The following PVT1 variants were observed in gnomAD, a reference collection of about 807,000 sequenced individuals.
PVT1 encodes Pvt1 oncogene, also known as CXCR4/PVT1 fusion.
At chr8:127,968,757 A>G (rs371790974) in intron 3 of PVT1, among the ~76,000 whole-genome samples, 6 of 152,262 alleles carry the variant, frequency 3.9e-5, no homozygotes, top group African/African-American at 1.4e-4. Flanking sequence ...GGGTATGGTG[A>G]GCTCTTAATC....
chr8:127,945,551 T>TG (rs1816410205), intron 3 of PVT1, among the ~76,000 whole-genome samples: 1 of 152,206 alleles, frequency 6.6e-6, no homozygotes, highest in South Asian at 2.1e-4. Context: ...AACTGCCCCA[T>TG]GCTGAAGGCC....
chr8:127,869,184 G>T (rs1004928740), intron 2 of PVT1, among the ~76,000 whole-genome samples: 1 of 151,888 alleles, frequency 6.6e-6, no homozygotes, highest in African/African-American at 2.4e-5. Context: ...AGGCTGAAGC[G>T]CAATGGCATG....
chr8:128,074,541 G>GA (rs1563681015), intron 5 of PVT1, among the ~76,000 whole-genome samples: 1 of 151,218 alleles, frequency 6.6e-6, no homozygotes, highest in East Asian at 1.9e-4. Flanking sequence ...AAAAAAGGGG[G>GA]GGGCTCCTTC....
At chr8:128,007,829 T>C (rs898462237) in intron 4 of PVT1, among the ~76,000 whole-genome samples, 2 of 152,252 alleles carry the variant, frequency 1.3e-5, no homozygotes, top group Admixed American at 1.3e-4. Context: ...TGCTGTGCAA[T>C]GTCTTGCCCA....
intron 5 of PVT1, among the ~76,000 whole-genome samples, chr8:128,080,749 T>A (rs1178644444): frequency 6.6e-6 from 1 of 152,338 alleles, no homozygotes; most frequent in East Asian, 1.9e-4. Context: ...TTTCATAGAT[T>A]GTGGCTTTGG....
In PVT1 at chr8:128,060,067, T is replaced by C. The variant is rs977686164; in HGVS notation, n.913-10093T>C. On this transcript the variant is annotated intron_variant and non_coding_transcript_variant, in intron 4 of 10. Transcript: ENST00000651587. Reference sequence around the variant, plus strand: ...GTCAGGAGATCGAGACCATCCTGGCTAACATGGTGAAACCCCGTCTCTACT... The same window carrying C: ...GTCAGGAGATCGAGACCATCCTGGCCAACATGGTGAAACCCCGTCTCTACT... Among the ~76,000 whole-genome samples, 5 of 152,188 alleles carry C rather than the reference T, an allele frequency of 3.3e-5. No homozygotes were observed. In the South Asian group the frequency reaches 6.2e-4, roughly 19 times the overall value.
At chr8:127,901,351 T>C (rs62512785) in intron 3 of PVT1, among the ~76,000 whole-genome samples, 50,484 of 151,886 alleles carry the variant, frequency 0.33, 8,578 homozygotes, top group Admixed American at 0.43. Flanking sequence ...AGAGTTACTG[T>C]AACCACTTTA....
rs570550721 is a variant in PVT1, at chr8:127,855,363, C to T, written n.373-35226C>T. The T allele has an allele frequency of 1.4e-4, 55 of 395,204 alleles. No homozygotes were observed. In the South Asian group the frequency reaches 6.3e-3, roughly 46 times the overall value. 24.5% of individuals were successfully genotyped at this position (395,204 alleles called of 1,614,324 possible). On this transcript the variant is annotated intron_variant and non_coding_transcript_variant, in intron 2 of 10. Transcript: ENST00000651587. The stretch of plus-strand genomic sequence containing the variant: ...GGGGATGGGAATGGGTCCCGGTGTG[C>T]GGAAATTGGATGGCTCGCTGACCCC...
At chr8:127,843,725 G>A (rs1233454765) in intron 2 of PVT1, among the ~76,000 whole-genome samples, 1 of 150,320 alleles carries the variant, frequency 6.7e-6, no homozygotes, top group Non-Finnish European at 1.5e-5. Context: ...GATTACAGGC[G>A]TGAGCCACCA....
At chr8:127,888,630 T>A (rs1439325869) in intron 2 of PVT1, among the ~76,000 whole-genome samples, 1 of 151,850 alleles carries the variant, frequency 6.6e-6, no homozygotes, top group Non-Finnish European at 1.5e-5. Context: ...AGGCAGAGAG[T>A]TATTCAGAGA....
chr8:128,024,107 C>T (rs886861007), intron 4 of PVT1, among the ~76,000 whole-genome samples: 1 of 152,162 alleles, frequency 6.6e-6, no homozygotes, highest in African/African-American at 2.4e-5. Context: ...CCTCTTACAC[C>T]CCACCACCGT....
chr8:127,954,750 G>A (rs543642789), intron 3 of PVT1, among the ~76,000 whole-genome samples: 2 of 152,264 alleles, frequency 1.3e-5, no homozygotes, highest in South Asian at 4.1e-4. Flanking sequence ...CTCTGAGTTC[G>A]TGGATTCCTC....
At chr8:128,021,932 A>G (rs535954848) in intron 4 of PVT1, among the ~76,000 whole-genome samples, 1 of 152,186 alleles carries the variant, frequency 6.6e-6, no homozygotes, top group East Asian at 1.9e-4. Flanking sequence ...CATGCCTGTA[A>G]TCCCAGCTAT....
intron 3 of PVT1, among the ~76,000 whole-genome samples, chr8:127,911,412 G>A (rs1314903429): frequency 1.3e-5 from 2 of 152,206 alleles, no homozygotes; most frequent in South Asian, 2.1e-4. Flanking sequence ...GCCGGTCCCC[G>A]GCTGCCAGCT....
At chr8:127,832,716 G>A (rs1011575078) in intron 2 of PVT1, among the ~76,000 whole-genome samples, 1 of 152,126 alleles carries the variant, frequency 6.6e-6, no homozygotes, top group African/African-American at 2.4e-5. Flanking sequence ...AAATTAGCCG[G>A]GCGTGGTGGC....
At chr8:128,068,566 G>A (rs950039412) in intron 4 of PVT1, among the ~76,000 whole-genome samples, 8 of 152,228 alleles carry the variant, frequency 5.3e-5, no homozygotes, top group South Asian at 2.1e-4. Context: ...GTGCGATCTC[G>A]GCTCACTGCA....
intron 3 of PVT1, among the ~76,000 whole-genome samples, chr8:127,911,685 T>C (rs1815900123): frequency 6.6e-6 from 1 of 152,192 alleles, no homozygotes; most frequent in African/African-American, 2.4e-5. Flanking sequence ...AAAGGCACAG[T>C]CATAGAACTA....
chr8:128,046,463 C>T (rs76887243), intron 4 of PVT1, among the ~76,000 whole-genome samples: 7,814 of 152,294 alleles, frequency 0.051, 230 homozygotes, highest in South Asian at 0.14. Flanking sequence ...GCATCTGTTG[C>T]CTTGTGGAAT....
At chr8:127,974,990 C>T (rs1816806759) in intron 3 of PVT1, among the ~76,000 whole-genome samples, 1 of 152,038 alleles carries the variant, frequency 6.6e-6, no homozygotes, top group African/African-American at 2.4e-5. Context: ...TTTATTAAAG[C>T]AGCTTACAAA....
Sources: allele counts gnomAD v4.1 joint callset (sites outside exome capture counted in the v4.1 genomes callset), GRCh38; gene constraint gnomAD v4.1.1; transcripts MANE v1.5; gene names NCBI Gene and HGNC (gene_info 2026-07-23, HGNC 2026-07-21).